Variants in COL20A1 observed in about 807,000 individuals in gnomAD.
COL20A1 encodes the protein collagen alpha-1(XX) chain.
Under a neutral mutation model 152.9 loss-of-function variants are expected in COL20A1, and 164 were observed. The ratio of observed to expected loss-of-function variants is 1.07; its 90% CI spans 0.94 to 1.22. The LOEUF (loss-of-function observed/expected upper bound fraction) is 1.22, where lower values mean the gene tolerates loss of function less well. Ranked by LOEUF, COL20A1 falls within the 50% of genes most tolerant of loss-of-function variation. The pLI, the probability that COL20A1 is intolerant of heterozygous loss-of-function variation, is 0.00. For synonymous variants in COL20A1, 864 were observed against 756.0 expected, an observed-to-expected ratio of 1.14 and a Z score of -2.34; for missense variants, 1,873 against 1,744.8, an observed-to-expected ratio of 1.07 and a Z score of -1.31.
chr20:63,327,701 A>C, intron 31 of COL20A1: 1 of 564,160 alleles, frequency 1.8e-6, no homozygotes, highest in East Asian at 3.0e-5. Context: ...GCCAGAGGCA[A>C]GTCCTTTGTG....
chr20:63,315,575 C>T, intron 20 of COL20A1, 136 bp downstream of exon 20: 1 of 762,406 alleles, frequency 1.3e-6, no homozygotes. Context: ...TTTGTGCCTC[C>T]ACAGACGTCC....
chr20:63,309,906 C>A lies in COL20A1; in HGVS notation c.1254C>A (p.Thr418=). 1.2e-6 allele frequency: 2 copies of A among 1,601,078 alleles called. No homozygotes were observed. The highest frequency in any genetic ancestry group is 1.7e-6 in the Non-Finnish European group (2 of 1,174,130). Residue 418 remains threonine (T), a synonymous_variant, in exon 10 of 36, where the codon ACC becomes ACA. Coordinates refer to ENST00000358894, the MANE Select transcript of COL20A1 (RefSeq NM_020882.4). ...TTTGGCGAGCCTCTAGAGGTGGCACCCCCAGGGAGGTGAGGGGGCCGGTAT... is the reference window on the plus strand; with the variant it reads ...TTTGGCGAGCCTCTAGAGGTGGCACACCCAGGGAGGTGAGGGGGCCGGTAT... The part of the protein sequence containing the change: ...LIVWRASRGG[T]PREVVVEGPA...
chr20:63,311,762 C>A lies in COL20A1; in HGVS notation c.1663+14C>A. ...GTGCCAGGACCCGTGAGTGCTCCAA[C>A]CCCGGCTGCCTGCCCACAGGCGGGT... On this transcript the variant is annotated intron_variant, in intron 13 of 35. Transcript: ENST00000358894. The surrounding 1 kb of genome is among the most constrained non-coding windows in gnomAD (Gnocchi z 4.4). 6.3e-7 allele frequency: 1 copy of A among 1,583,184 alleles called. No homozygotes were observed. Among genetic ancestry groups the A allele is most frequent in the South Asian group, 1.1e-5 (1 of 88,006 alleles).
chr20:63,310,694 G>A (rs545959345), intron 11 of COL20A1, among the ~76,000 whole-genome samples, 184 bp downstream of exon 11: 12 of 152,126 alleles, frequency 7.9e-5, no homozygotes, highest in Non-Finnish European at 1.6e-4. Flanking sequence ...GACCCTGGGT[G>A]TTCTCTTCTG....
chr20:63,317,237 C>G (rs1302810462), intron 21 of COL20A1, among the ~76,000 whole-genome samples: 3 of 152,160 alleles, frequency 2.0e-5, no homozygotes, highest in Non-Finnish European at 4.4e-5. Flanking sequence ...GTCCCAGCTA[C>G]TGGGGAGGCT....
rs894762444 is a variant in COL20A1 at position 63,331,757 on chromosome 20, G to A, written c.*1041G>A. Reference sequence around the variant, plus strand: ...CAAGAAAGGTGCCAGAAATGAAGAGGGAAGCCATATCATTGAGGAGAGAAT... The same window carrying A: ...CAAGAAAGGTGCCAGAAATGAAGAGAGAAGCCATATCATTGAGGAGAGAAT... On this transcript the variant is annotated 3_prime_UTR_variant, in exon 36 of 36. Coordinates refer to ENST00000358894, the MANE Select transcript of COL20A1 (RefSeq NM_020882.4). The A allele has an allele frequency of 6.6e-6, 1 of 152,198 alleles. No individual in the cohort carries two copies. Among genetic ancestry groups the A allele is most frequent in the Non-Finnish European group, 1.5e-5 (1 of 68,054 alleles). The allele number at this position is 152,198 out of a possible 1,614,324, so 9.4% of individuals were successfully genotyped here. A position where few individuals can be genotyped will look rare whatever the true frequency, so the allele number is the denominator to read the frequency against.
chr20:63,317,495 A>G (rs1054496963), intron 21 of COL20A1, among the ~76,000 whole-genome samples: 4 of 151,736 alleles, frequency 2.6e-5, no homozygotes, highest in Non-Finnish European at 5.9e-5. Context: ...AAGAAGTTAC[A>G]AAGGAGAGTT....
At chr20:63,315,336 C>T in intron 19 of COL20A1, 68 bp from the exon 20 acceptor site, 1 of 1,463,366 alleles carries the variant, frequency 6.8e-7, no homozygotes, top group South Asian at 1.2e-5. Flanking sequence ...TGGCCCCTCC[C>T]CAGCGGTCTG....
intron 21 of COL20A1, among the ~76,000 whole-genome samples, chr20:63,318,671 C>T (rs1185199537): frequency 1.3e-5 from 2 of 152,180 alleles, no homozygotes; most frequent in South Asian, 2.1e-4. Flanking sequence ...TTGGTGAGCC[C>T]TTGCTGGGGT....
Position 63,310,372 on chromosome 20 carries a change from C to G in COL20A1, c.1264-9C>G. On this transcript the variant is annotated splice_polypyrimidine_tract_variant and intron_variant, in intron 10 of 35. Transcript: ENST00000358894. ...CTTCCTGGCTCCGTCCTTGCCCACT[C>G]TGTTCCAGGTGGTGGTGGAGGGACC... is the stretch of plus-strand genomic sequence containing the variant. The G allele has an allele frequency of 1.2e-6, 2 of 1,610,892 alleles. No homozygotes were observed. Among genetic ancestry groups the G allele is most frequent in the South Asian group, 1.1e-5 (1 of 90,536 alleles).
At chr20:63,300,203 G>A (rs116139830) in intron 3 of COL20A1, among the ~76,000 whole-genome samples, 140 of 152,216 alleles carry the variant, frequency 9.2e-4, no homozygotes, top group African/African-American at 3.3e-3. Context: ...TTAAAGTTTG[G>A]TATCAGCTTT....
Position 63,325,686 on chromosome 20 carries a change from G to A in COL20A1, c.3367G>A (p.Gly1123Ser). 6.2e-7 allele frequency: 1 copy of A among 1,611,490 alleles called. No individual in the cohort carries two copies. Among genetic ancestry groups the A allele is most frequent in the Non-Finnish European group, 8.5e-7 (1 of 1,179,536 alleles). The change falls in exon 29 of 36, where the codon GGC becomes AGC. Residue 1123 changes from glycine to serine, a missense_variant. Transcript: ENST00000358894. ...CTCCCAGGGCCACCCCGGCCACCAG[G>A]GCATCCCCGGGAGAGTTGGCCTCCA... ...PGLQGHPGHQ[G>S]IPGRVGLQGP...
At chr20:63,328,229 C>T (rs1263708400) in intron 33 of COL20A1, 102 bp downstream of exon 33, 5 of 1,557,934 alleles carry the variant, frequency 3.2e-6, no homozygotes, top group Non-Finnish European at 4.4e-6. Flanking sequence ...GCCGCCTTCA[C>T]CCATCGTTAG....
Position 63,334,179 on chromosome 20 carries a change from C to T in COL20A1, c.*3463C>T, listed in dbSNP as rs2068366394. ...CCAAAGGATCCTGCTGTTCAGAACT[C>T]ACTCACTCACTGATGAAACTGGAAA... On this transcript the variant is annotated 3_prime_UTR_variant, in exon 36 of 36. Coordinates refer to ENST00000358894, the MANE Select transcript of COL20A1 (RefSeq NM_020882.4). 1 of 152,196 alleles carries T rather than the reference C, an allele frequency of 6.6e-6. No homozygotes were observed. Among genetic ancestry groups the T allele is most frequent in the African/African-American group, 2.4e-5 (1 of 41,430 alleles). The allele number at this position is 152,196 out of a possible 1,614,324, so 9.4% of individuals were successfully genotyped here.
rs2068360755 is a variant in COL20A1 at position 63,333,721 on chromosome 20, A to G, written c.*3005A>G. On this transcript the variant is annotated 3_prime_UTR_variant, in exon 36 of 36. Coordinates refer to ENST00000358894, the MANE Select transcript of COL20A1 (RefSeq NM_020882.4). ...CAGGGGGTGCTGTGCCCGCAGGACC[A>G]GCAGGTGAGGCGTGTCCACCCACAG... 1 of 115,790 alleles carries G rather than the reference A, an allele frequency of 8.6e-6. No individual in the cohort carries two copies. The highest frequency in any genetic ancestry group is 2.9e-5 in the African/African-American group (1 of 34,662). 7.2% of individuals were successfully genotyped at this position (115,790 alleles called of 1,614,324 possible).
Position 63,316,683 on chromosome 20 carries a change from A to C in COL20A1, c.2655A>C (p.Arg885Ser). The C allele has an allele frequency of 6.4e-7, 1 of 1,563,664 alleles. No individual in the cohort carries two copies. Among genetic ancestry groups the C allele is most frequent in the African/African-American group, 1.4e-5 (1 of 73,902 alleles). ...TCTTCAAGGACGCCCAGCTGACAAGACGGGTCAGGTGTGAGGGCAAGGGCT... is the reference window on the plus strand; with the variant it reads ...TCTTCAAGGACGCCCAGCTGACAAGCCGGGTCAGGTGTGAGGGCAAGGGCT... The part of the protein sequence containing the change: ...FTLFKDAQLT[R>S]RVSDVYPAPL... The change falls in exon 21 of 36, where the codon AGA becomes AGC. Residue 885 changes from arginine (R) to serine (S), a missense_variant. Physicochemically the swap from Arg to Ser is moderately radical, Grantham distance 110. Coordinates refer to ENST00000358894, the MANE Select transcript of COL20A1 (RefSeq NM_020882.4).
Position 63,313,182 on chromosome 20 carries a change from C to T in COL20A1, c.2142C>T (p.Asp714=), listed in dbSNP as rs201438584. The T allele has an allele frequency of 1.1e-4, 182 of 1,612,502 alleles. 1 individual carries two copies. In the East Asian group the frequency reaches 1.5e-3, roughly 13 times the overall value. ...LPGLGRHTEY[D]VTILAYYRDG... ...GCCTAGGGAGGCACACAGAGTACGA[C>T]GTCACCATCTTGGCCTACTACAGGG... Residue 714 remains aspartate, a synonymous_variant, in exon 17 of 36, where the codon GAC becomes GAT. Transcript: ENST00000358894. The surrounding 1 kb of genome is among the most constrained non-coding windows in gnomAD (Gnocchi z 5.9).
At chr20:63,296,796 T>A (rs1305294496) in intron 2 of COL20A1, among the ~76,000 whole-genome samples, 3 of 152,040 alleles carry the variant, frequency 2.0e-5, no homozygotes, top group Non-Finnish European at 4.4e-5. Context: ...CCGGCCCAGC[T>A]GCTGCCTGCT....
chr20:63,316,709 G>T lies in COL20A1; in HGVS notation c.2663+18G>T. 1 of 1,515,088 alleles carries T rather than the reference G, an allele frequency of 6.6e-7. No individual in the cohort carries two copies. Among genetic ancestry groups the T allele is most frequent in the East Asian group, 2.4e-5 (1 of 41,302 alleles). 93.9% of individuals were successfully genotyped at this position (1,515,088 alleles called of 1,614,324 possible). A position where few individuals can be genotyped will look rare whatever the true frequency, so the allele number is the denominator to read the frequency against. On this transcript the variant is annotated intron_variant, in intron 21 of 35. Transcript: ENST00000358894. ...CGGGTCAGGTGTGAGGGCAAGGGCT[G>T]GGGTGGAGCTGGAAGCCCAGGCTGG...
Sources: gnomAD v4.1 joint callset for allele counts (sites outside exome capture counted in the v4.1 genomes callset) on GRCh38, gnomAD v4.1.1 for gene constraint, Gnocchi (gnomAD v3.1) non-coding constraint, MANE v1.5 for transcripts, NCBI Gene and HGNC (gene_info 2026-07-23, HGNC 2026-07-21) for gene names.